CDH3: variants seen among roughly 807,000 people sequenced by gnomAD.
CDH3 encodes the protein cadherin 3.
Under a neutral mutation model 82.0 loss-of-function variants are expected in CDH3, and 54 were observed. The observed-to-expected ratio is 0.66, with a 90% CI of 0.53 to 0.83. The LOEUF is 0.83. Ranked by LOEUF, CDH3 falls within the 40% of genes least tolerant of loss-of-function variation. CDH3 has a pLI of 0.00. For missense variants in CDH3, 1,054 were observed against 1,084.6 expected (o/e 0.97, Z 0.40); for synonymous variants, 446 against 437.9 (o/e 1.02, Z -0.23).
At chr16:68,681,959 T>C (rs1281070810) in intron 8 of CDH3, among the ~76,000 whole-genome samples, 2 of 152,222 alleles carry the variant, frequency 1.3e-5, no homozygotes, top group Non-Finnish European at 2.9e-5. Context: ...TTCAGGCACC[T>C]AGCCCTTCTT....
At chr16:68,696,128 TGATTAGGAGG>T (rs908606230) in intron 15 of CDH3, 1 of 647,320 alleles carries the variant, frequency 1.5e-6, no homozygotes. Context: ...TGGTTAAAAA[TGATTAGGAGG>T]GGCTGGGCAC....
chr16:68,661,558 T>C (rs1960579675), intron 2 of CDH3, among the ~76,000 whole-genome samples: 1 of 152,200 alleles, frequency 6.6e-6, no homozygotes, highest in Admixed American at 6.5e-5. Flanking sequence ...AATTGTTGGG[T>C]CATGTGACTT....
chr16:68,677,783 T>G (rs1398400652), intron 3 of CDH3, among the ~76,000 whole-genome samples: 4 of 152,192 alleles, frequency 2.6e-5, no homozygotes, highest in Admixed American at 2.0e-4. Context: ...TTTTGGCACA[T>G]AGAGAGCATA....
intron 1 of CDH3, among the ~76,000 whole-genome samples, chr16:68,710,830 G>C (rs1567462855): frequency 6.8e-6 from 1 of 147,798 alleles, no homozygotes; most frequent in South Asian, 2.2e-4. Flanking sequence ...GGGCGACAGA[G>C]CGAGATTCTG....
intron 14 of CDH3, 102 bp from the exon 15 acceptor site, chr16:68,695,675 G>A: frequency 4.4e-6 from 6 of 1,371,096 alleles, no homozygotes; most frequent in Non-Finnish European, 6.2e-6. Context: ...CTCCCCATGA[G>A]CCAGAGTATC....
At chr16:68,646,024 C>T in intron 2 of CDH3, 1 of 499,082 alleles carries the variant, frequency 2.0e-6, no homozygotes. Flanking sequence ...GCCCCTCACC[C>T]AGTCTCGACG....
In CDH3 at chr16:68,645,363, C is replaced by A; in HGVS notation, c.-17C>A. ...GCCCGCCGTCGCGGCAGCTGCTTCA[C>A]CCCTCTCTCTGCAGCCATGGGGCTC... On this transcript the variant is annotated 5_prime_UTR_variant, in exon 1 of 16. Transcript: ENST00000264012. The A allele has an allele frequency of 1.2e-6, 2 of 1,612,518 alleles. No individual in the cohort carries two copies. The highest frequency in any genetic ancestry group is 1.7e-5 in the Admixed American group (1 of 60,000).
At position 68,705,414 on chromosome 16, in the gene CDH3, T is replaced by C. The variant is rs56160849; in HGVS notation, c.99+9491T>C. Among the ~76,000 whole-genome samples the C allele has an allele frequency of 1.5e-3, 226 of 152,068 alleles. 2 individuals are homozygous for C. Among genetic ancestry groups the C allele is most frequent in the Middle Eastern group, 6.8e-3 (2 of 292 alleles). On this transcript the variant is annotated intron_variant, in intron 1 of 2. Coordinates refer to the CDH3 transcript ENST00000569080. ...TAACAACTTCATTGAGCACCTGTTC[T>C]GTGCAAGACACTGGTTTTTTTTTGG...
In CDH3 at chr16:68,721,296, C is replaced by T. The variant is rs1218515148; in HGVS notation, c.100-1129C>T. Among the ~76,000 whole-genome samples, 5 of 143,850 alleles carry T rather than the reference C, an allele frequency of 3.5e-5. No individual in the cohort carries two copies. The East Asian group carries it at 8.4e-4, about 24-fold the overall frequency. The allele number at this position is 143,850 out of a possible 152,430, so 94.4% of individuals were successfully genotyped here. Reference sequence around the variant, plus strand: ...CGGCCTGGGCTGGAGTGCAGTAGCACGATCTCGGCTCACTGCAACCTCTGC... The same window carrying T: ...CGGCCTGGGCTGGAGTGCAGTAGCATGATCTCGGCTCACTGCAACCTCTGC... On this transcript the variant is annotated intron_variant, in intron 1 of 2. Coordinates refer to the CDH3 transcript ENST00000569080.
chr16:68,684,578 C>A lies in CDH3; in HGVS notation c.1183-5C>A. ...GTCCAGGTCCTTCTTCCTCTTCTCT[C>A]CTAGGGTTTGGATTTTGAGGCCAAA... On this transcript the variant is annotated splice_region_variant and splice_polypyrimidine_tract_variant and intron_variant, in intron 9 of 15. Coordinates refer to ENST00000264012, the MANE Select transcript of CDH3 (RefSeq NM_001793.6). The A allele has an allele frequency of 6.2e-7, 1 of 1,614,154 alleles. No homozygotes were observed. Among genetic ancestry groups the A allele is most frequent in the Non-Finnish European group, 8.5e-7 (1 of 1,180,024 alleles).
intron 2 of CDH3, among the ~76,000 whole-genome samples, chr16:68,669,816 T>C (rs1305002917): frequency 6.6e-6 from 1 of 152,092 alleles, no homozygotes; most frequent in Non-Finnish European, 1.5e-5. Context: ...GGAAGAGGGC[T>C]GTTTTAGGAT....
At chr16:68,645,554 C>T in intron 1 of CDH3, 82 bp from the exon 2 acceptor site, 1 of 1,449,004 alleles carries the variant, frequency 6.9e-7, no homozygotes, top group South Asian at 1.2e-5. Context: ...CCCGGAAGGC[C>T]CGTGAGGACC....
In CDH3 at chr16:68,682,500, G is replaced by A. The variant is rs571252497; in HGVS notation, c.1182+13G>A. 6.2e-6 allele frequency: 10 copies of A among 1,613,558 alleles called. No individual in the cohort carries two copies. Among genetic ancestry groups the A allele is most frequent in the African/African-American group, 5.3e-5 (4 of 74,886 alleles). ...GACAACCAGGAAGGTGAGTCAGTTC[G>A]GGCCTCAGACAATGGCTATACCTGG... On this transcript the variant is annotated intron_variant, in intron 9 of 15. Coordinates refer to ENST00000264012, the MANE Select transcript of CDH3 (RefSeq NM_001793.6).
chr16:68,695,729 TG>T, intron 14 of CDH3, 47 bp from the exon 15 acceptor site: 1 of 1,604,372 alleles, frequency 6.2e-7, no homozygotes, highest in Non-Finnish European at 8.5e-7. Context: ...GGCAGGGGAG[TG>T]GGGGACAGGA....
chr16:68,687,638 A>T lies in CDH3; in HGVS notation c.1697A>T (p.Asn566Ile). 2 of 1,614,070 alleles carry T rather than the reference A, an allele frequency of 1.2e-6. No individual in the cohort carries two copies. The highest frequency in any genetic ancestry group is 1.7e-6 in the Non-Finnish European group (2 of 1,179,998). ...CAAAGCCCTGTGCGCCAGGTGCTGA[A>T]CATCACGGACAAGGACCTGTCTCCC... is the stretch of plus-strand genomic sequence containing the variant. Reference protein sequence around the residue: ...CNQSPVRQVLNITDKDLSPHT... With the variant: ...CNQSPVRQVLIITDKDLSPHT... The change falls in exon 12 of 16, where the codon AAC becomes ATC. Residue 566 changes from asparagine (N) to isoleucine (I), a missense_variant. Physicochemically the swap from Asn to Ile is moderately radical, Grantham distance 149 (BLOSUM62 -3). Transcript: ENST00000264012.
Position 68,681,076 on chromosome 16 carries a change from C to T in CDH3, c.976C>T (p.Pro326Ser), listed in dbSNP as rs2152101151. 1 of 1,613,966 alleles carries T rather than the reference C, an allele frequency of 6.2e-7. No homozygotes were observed. Among genetic ancestry groups the T allele is most frequent in the Non-Finnish European group, 8.5e-7 (1 of 1,179,990 alleles). ...GATCCTTGATGCCAATGACAATGCT[C>T]CCATGTTTGACCCCCAGAAGGTAAT... The part of the protein sequence containing the change: ...VEILDANDNA[P>S]MFDPQKYEAH... Residue 326 changes from proline (P) to serine (S), a missense_variant, in exon 8 of 16, where the codon CCC (proline) becomes TCC (serine). Coordinates refer to ENST00000264012, the MANE Select transcript of CDH3 (RefSeq NM_001793.6).
At chr16:68,667,215 G>A (rs1960757155) in intron 2 of CDH3, among the ~76,000 whole-genome samples, 1 of 152,078 alleles carries the variant, frequency 6.6e-6, no homozygotes, top group African/African-American at 2.4e-5. Context: ...TTTCCCCGGT[G>A]CCCTCTTATC....
chr16:68,695,271 G>T lies in CDH3; in HGVS notation c.2019G>T (p.Leu673=), dbSNP rs1409950317. The stretch of plus-strand genomic sequence containing the variant: ...CCCTTGCAGTCCTCCTGCTGGTGCT[G>T]CTTTTGTTGGTGAGAAAGAAGCGGA... ...VLALLFLLLV[L]LLLVRKKRKI... Residue 673 remains leucine, a synonymous_variant, in exon 14 of 16, where the codon CTG becomes CTT. Transcript: ENST00000264012. 1 of 1,614,118 alleles carries T rather than the reference G, an allele frequency of 6.2e-7. No homozygotes were observed. The highest frequency in any genetic ancestry group is 8.5e-7 in the Non-Finnish European group (1 of 1,180,032).
At chr16:68,730,147 C>T (rs191822615), downstream of CDH3, among the ~76,000 whole-genome samples, 108 of 149,236 alleles carry the variant, frequency 7.2e-4, no homozygotes, top group African/African-American at 2.4e-3. Context: ...GCAGGAGGAA[C>T]GCTTGCACCT....
Sources: gnomAD v4.1 joint callset for allele counts (sites outside exome capture counted in the v4.1 genomes callset) on GRCh38, gnomAD v4.1.1 for gene constraint, MANE v1.5 for transcripts, NCBI Gene and HGNC (gene_info 2026-07-23, HGNC 2026-07-21) for gene names.